The following MPDZ variants were observed in gnomAD, a reference collection of about 807,000 sequenced individuals.
The protein encoded by MPDZ is multiple PDZ domain crumbs cell polarity complex component, also known as multiple PDZ domain protein.
Under a neutral mutation model 239.1 loss-of-function variants are expected in MPDZ, and 234 were observed. The observed-to-expected ratio is 0.98, with a 90% CI of 0.88 to 1.09. MPDZ has a LOEUF of 1.09. Among genes scored for constraint, MPDZ ranks in the 50% least tolerant of loss-of-function variants. The pLI is 0.00. For synonymous variants in MPDZ, 1,048 were observed against 881.3 expected, an observed-to-expected ratio of 1.19 and a Z score of -3.35; for missense variants, 3,175 against 2,510.0, an observed-to-expected ratio of 1.26 and a Z score of -5.66.
Position 13,221,413 on chromosome 9 carries a change from C to A in MPDZ, c.835G>T (p.Val279Leu). The A allele has an allele frequency of 6.2e-7, 1 of 1,611,236 alleles. No individual in the cohort carries two copies. The highest frequency in any genetic ancestry group is 1.3e-5 in the African/African-American group (1 of 74,848). The change falls in exon 7 of 47, where the codon GTG (valine) becomes TTG (leucine). Residue 279 changes from valine to leucine, a missense_variant. Val to Leu is a conservative substitution (Grantham distance 32). Coordinates refer to ENST00000319217, the MANE Select transcript of MPDZ (RefSeq NM_001378778.1). ...FGIIGGKATGVIVKTILPGGV... is the reference protein window; with the variant it reads ...FGIIGGKATGLIVKTILPGGV... ...CCAGGCAGAATGGTTTTTACTATCA[C>A]ACCAGTTGCTTTTCCTCCTATGATG...
intron 39 of MPDZ, among the ~76,000 whole-genome samples, chr9:13,118,330 A>C (rs1474282513): frequency 6.6e-6 from 1 of 152,234 alleles, no homozygotes; most frequent in South Asian, 2.1e-4. Context: ...GAGAAACCTA[A>C]TGAGAAGTGA....
At chr9:13,248,481 T>C (rs1026608036) in intron 2 of MPDZ, among the ~76,000 whole-genome samples, 2 of 152,106 alleles carry the variant, frequency 1.3e-5, no homozygotes, top group African/African-American at 4.8e-5. Context: ...ACAAGCATAC[T>C]TACGCCAGAC....
chr9:13,176,107 A>G, intron 20 of MPDZ, 29 bp downstream of exon 20: 1 of 1,534,674 alleles, frequency 6.5e-7, no homozygotes, highest in Non-Finnish European at 8.8e-7. Context: ...TCTCATCATA[A>G]AACACAAACC....
Position 13,114,004 on chromosome 9 carries a change from C to G in MPDZ, c.5484G>C (p.Leu1828=). The G allele has an allele frequency of 6.3e-7, 1 of 1,595,092 alleles. No individual in the cohort carries two copies. The highest frequency in any genetic ancestry group is 2.2e-5 in the East Asian group (1 of 44,464). Residue 1828 remains leucine (L), a synonymous_variant, in exon 41 of 47, where the codon CTG becomes CTC. Transcript: ENST00000319217. Reference sequence around the variant, plus strand: ...CAGAGAGTGGAAAAGTGAAAGATGACAGGCTGCCTTCACTCACCTACAAAT... The same window carrying G: ...CAGAGAGTGGAAAAGTGAAAGATGAGAGGCTGCCTTCACTCACCTACAAAT... ...SQSSQVSEGS[L]SSFTFPLSGS...
At position 13,271,606 on chromosome 9, in the gene MPDZ, A is replaced by C. The variant is rs182162244; in HGVS notation, c.-58+7794T>G. On this transcript the variant is annotated intron_variant, in intron 1 of 46. Coordinates refer to ENST00000319217, the MANE Select transcript of MPDZ (RefSeq NM_001378778.1). The stretch of plus-strand genomic sequence containing the variant: ...TTCTGCGTAGCCCCCATGAATATGA[A>C]ATTAAAAACATCAATTAAATGTTAA... 5.9e-4 allele frequency among the ~76,000 whole-genome samples: 90 copies of C among 152,246 alleles called. 1 individual carries two copies. Among genetic ancestry groups the C allele is most frequent in the African/African-American group, 1.8e-3 (75 of 41,532 alleles).
intron 3 of MPDZ, among the ~76,000 whole-genome samples, chr9:13,232,571 G>A (rs765631966): frequency 2.6e-5 from 4 of 151,502 alleles, no homozygotes; most frequent in Non-Finnish European, 5.9e-5. Flanking sequence ...TAAAGCTTCT[G>A]AGAGAAAATC....
At chr9:13,227,726 T>G (rs1486248301) in intron 3 of MPDZ, among the ~76,000 whole-genome samples, 1 of 152,098 alleles carries the variant, frequency 6.6e-6, no homozygotes, top group Non-Finnish European at 1.5e-5. Context: ...ATAAAAGTAT[T>G]TAATATCAAT....
chr9:13,139,983 T>G lies in MPDZ; in HGVS notation c.4003+4A>C. On this transcript the variant is annotated splice_donor_region_variant and intron_variant, in intron 28 of 46. Transcript: ENST00000319217. ...ATTAAATGCATCACAAAAACACAAC[T>G]TACTCCAGCTGTAACCAAACTCATC... is the stretch of plus-strand genomic sequence containing the variant. 1 of 1,613,410 alleles carries G rather than the reference T, an allele frequency of 6.2e-7. No homozygotes were observed. The highest frequency in any genetic ancestry group is 8.5e-7 in the Non-Finnish European group (1 of 1,179,548).
intron 8 of MPDZ, among the ~76,000 whole-genome samples, chr9:13,218,593 C>T (rs962428934): frequency 3.3e-5 from 5 of 151,838 alleles, no homozygotes; most frequent in Non-Finnish European, 7.4e-5. Context: ...ACAACAGAAT[C>T]ATGGAAATTA....
rs888072402 is a variant in MPDZ at position 13,147,402 on chromosome 9, G to A, written c.3741+146C>T. The A allele has an allele frequency of 5.0e-6, 3 of 596,482 alleles. No homozygotes were observed. In the African/African-American group the frequency reaches 5.6e-5, roughly 11 times the overall value. 36.9% of individuals were successfully genotyped at this position (596,482 alleles called of 1,614,324 possible). ...GGATTTCCAGGATAACTCAATTTCT[G>A]AGAAAGCAAAACAAACTTCTAACAA... is the stretch of plus-strand genomic sequence containing the variant. On this transcript the variant is annotated intron_variant, in intron 26 of 46. Coordinates refer to ENST00000319217, the MANE Select transcript of MPDZ (RefSeq NM_001378778.1).
intron 21 of MPDZ, among the ~76,000 whole-genome samples, chr9:13,172,669 G>A (rs1040490288): frequency 2.6e-5 from 4 of 152,178 alleles, no homozygotes; most frequent in East Asian, 1.9e-4. Flanking sequence ...TTACAGGCGT[G>A]AGCCACCGCG....
chr9:13,151,922 A>T (rs542035457), intron 24 of MPDZ, among the ~76,000 whole-genome samples: 5 of 152,106 alleles, frequency 3.3e-5, no homozygotes, highest in Admixed American at 6.6e-5. Flanking sequence ...ATACCTTCTC[A>T]ATTATGTGTC....
At chr9:13,208,873 G>A (rs1160655466) in intron 10 of MPDZ, among the ~76,000 whole-genome samples, 1 of 151,938 alleles carries the variant, frequency 6.6e-6, no homozygotes, top group South Asian at 2.1e-4. Context: ...ATAAGTATCT[G>A]GCTCTGTTCT....
chr9:13,118,712 T>C (rs1024679646), intron 39 of MPDZ, among the ~76,000 whole-genome samples: 3 of 152,246 alleles, frequency 2.0e-5, no homozygotes, highest in Non-Finnish European at 2.9e-5. Context: ...ACAGAGAATA[T>C]GCCTAGAGTC....
intron 1 of MPDZ, among the ~76,000 whole-genome samples, chr9:13,252,846 T>TA (rs1156243763): frequency 2.0e-5 from 3 of 151,730 alleles, no homozygotes; most frequent in East Asian, 3.9e-4. Flanking sequence ...ATGATAGCAA[T>TA]AAAAAAAAGC....
In MPDZ at chr9:13,223,559, C is replaced by A. The variant is rs1022059640; in HGVS notation, c.533+12G>T. 6.3e-7 allele frequency: 1 copy of A among 1,597,188 alleles called. No homozygotes were observed. Among genetic ancestry groups the A allele is most frequent in the East Asian group, 2.2e-5 (1 of 44,480 alleles). ...GGGATCAAAAACAAAGAAGACGCCGCGACCATCTCACCTATGGGCCACACT... is the reference window on the plus strand; with the variant it reads ...GGGATCAAAAACAAAGAAGACGCCGAGACCATCTCACCTATGGGCCACACT... On this transcript the variant is annotated intron_variant, in intron 5 of 46. Transcript: ENST00000319217.
chr9:13,241,546 G>A (rs1292787435), intron 3 of MPDZ, among the ~76,000 whole-genome samples: 2 of 151,974 alleles, frequency 1.3e-5, no homozygotes, highest in Non-Finnish European at 2.9e-5. Context: ...TCCTCCTTTC[G>A]GTCTCAAATT....
intron 1 of MPDZ, among the ~76,000 whole-genome samples, chr9:13,257,561 A>G (rs1969729740): frequency 1.3e-5 from 2 of 152,208 alleles, no homozygotes; most frequent in African/African-American, 2.4e-5. Context: ...GTACAGAAGA[A>G]GAGGAGGGTA....
intron 3 of MPDZ, among the ~76,000 whole-genome samples, chr9:13,242,621 C>T (rs1225607973): frequency 6.6e-6 from 1 of 151,256 alleles, no homozygotes; most frequent in Non-Finnish European, 1.5e-5. Flanking sequence ...AAAAAAAATG[C>T]AAAAGAACAA....
Sources: allele counts gnomAD v4.1 joint callset (sites outside exome capture counted in the v4.1 genomes callset), GRCh38; gene constraint gnomAD v4.1.1; transcripts MANE v1.5; gene names NCBI Gene and HGNC (gene_info 2026-07-23, HGNC 2026-07-21).